PCDHA7: variants seen among roughly 807,000 people sequenced by gnomAD.
PCDHA7 encodes protocadherin alpha-7.
A neutral mutation model predicts 57.2 loss-of-function variants in PCDHA7; 37 were observed. The observed-to-expected ratio is 0.65, with a 90% CI of 0.50 to 0.85. PCDHA7 has a LOEUF of 0.85. Ranked by LOEUF, PCDHA7 falls within the 40% of genes least tolerant of loss-of-function variation. PCDHA7 has a pLI of 0.00. For missense variants in PCDHA7, 1,188 were observed against 1,241.8 expected, an observed-to-expected ratio of 0.96 and a Z score of 0.65; for synonymous variants, 553 against 558.8, an observed-to-expected ratio of 0.99 and a Z score of 0.15.
chr5:140,891,612 T>C (rs182874243), intron 1 of PCDHA7, among the ~76,000 whole-genome samples: 2 of 152,350 alleles, frequency 1.3e-5, no homozygotes, highest in Admixed American at 1.3e-4. Context: ...TTCTACCTTT[T>C]ATTTTAACAC....
rs781863441 is a variant in PCDHA7 at position 140,858,454 on chromosome 5, C to A, written c.2355+21716C>A. The A allele has an allele frequency of 2.0e-6, 3 of 1,529,822 alleles. No homozygotes were observed. The South Asian group carries it at 3.6e-5, about 18-fold the overall frequency. The allele number at this position is 1,529,822 out of a possible 1,614,324, so 94.8% of individuals were successfully genotyped here. On this transcript the variant is annotated intron_variant, in intron 1 of 3. Coordinates refer to ENST00000525929, the MANE Select transcript of PCDHA7 (RefSeq NM_018910.3). ...CTAGGAAGGTGGGTTATTACGTTTT[C>A]ATTTTCCTTTTGTGCTTTATGAATA...
At chr5:140,882,702 C>T (rs2059269414) in intron 1 of PCDHA7, 1 of 1,614,098 alleles carries the variant, frequency 6.2e-7, no homozygotes, top group African/African-American at 1.3e-5. Flanking sequence ...ATTGCAGAAT[C>T]TAGACCTCCG....
intron 1 of PCDHA7, among the ~76,000 whole-genome samples, chr5:140,839,867 G>C (rs996407179): frequency 6.6e-6 from 1 of 151,988 alleles, no homozygotes; most frequent in African/African-American, 2.4e-5. Flanking sequence ...GGTGGACTTT[G>C]AAAGATGAAT....
At chr5:140,897,543 C>A (rs1325895994) in intron 1 of PCDHA7, among the ~76,000 whole-genome samples, 2 of 152,044 alleles carry the variant, frequency 1.3e-5, no homozygotes, top group African/African-American at 4.8e-5. Flanking sequence ...GCTGCATAGT[C>A]TTCCATGGTG....
At chr5:140,891,698 T>C (rs2063212804) in intron 1 of PCDHA7, among the ~76,000 whole-genome samples, 1 of 152,258 alleles carries the variant, frequency 6.6e-6, no homozygotes, top group Non-Finnish European at 1.5e-5. Context: ...TGCTGTTGTC[T>C]GAATTTGTAC....
intron 1 of PCDHA7, chr5:140,860,707 T>G (rs914346962): frequency 6.6e-6 from 1 of 152,220 alleles, no homozygotes; most frequent in Non-Finnish European, 1.5e-5. Context: ...ATTGTTGTTC[T>G]CCATGAAAAG....
At chr5:140,997,849 T>C (rs1554256029) in intron 3 of PCDHA7, among the ~76,000 whole-genome samples, 1 of 152,208 alleles carries the variant, frequency 6.6e-6, no homozygotes, top group African/African-American at 2.4e-5. Flanking sequence ...TACATTCTTA[T>C]ACATATTTCT....
In PCDHA7 at chr5:140,858,867, T is replaced by C. The variant is rs183298446; in HGVS notation, c.2355+22129T>C. 1.7e-4 allele frequency: 42 copies of C among 253,674 alleles called. No homozygotes were observed. In the East Asian group the frequency reaches 3.9e-3, roughly 24 times the overall value. 15.7% of individuals were successfully genotyped at this position (253,674 alleles called of 1,614,324 possible). ...CTGATCTATATCTCTTCAGTGAAAATGTGTTTTCCTCCATGTGTAGAATAT... is the reference window on the plus strand; with the variant it reads ...CTGATCTATATCTCTTCAGTGAAAACGTGTTTTCCTCCATGTGTAGAATAT... On this transcript the variant is annotated intron_variant, in intron 1 of 3. Coordinates refer to ENST00000525929, the MANE Select transcript of PCDHA7 (RefSeq NM_018910.3).
At chr5:140,990,129 A>G (rs868941506) in intron 3 of PCDHA7, among the ~76,000 whole-genome samples, 6 of 152,296 alleles carry the variant, frequency 3.9e-5, no homozygotes, top group Middle Eastern at 3.4e-3. Flanking sequence ...TGTAGAAGTC[A>G]GACTCAAGAG....
chr5:140,851,076 A>C (rs782314087), intron 1 of PCDHA7: 1 of 1,337,516 alleles, frequency 7.5e-7, no homozygotes, highest in Non-Finnish European at 9.8e-7. Flanking sequence ...AGAATTATAA[A>C]CTGTATATTA....
chr5:140,854,663 C>G (rs1359601461), intron 1 of PCDHA7: 1 of 149,774 alleles, frequency 6.7e-6, no homozygotes, highest in Non-Finnish European at 1.5e-5. Context: ...TAAATTAACC[C>G]TTGCATAAGA....
chr5:140,845,039 C>T (rs1485557365), intron 1 of PCDHA7, among the ~76,000 whole-genome samples: 2 of 149,068 alleles, frequency 1.3e-5, no homozygotes, highest in Non-Finnish European at 3.0e-5. Context: ...ATTTTAGCCC[C>T]CTTGTCCAAC....
intron 1 of PCDHA7, among the ~76,000 whole-genome samples, chr5:140,837,580 TTGTAAATCGCCAA>T (rs1410482182): frequency 1.4e-4 from 22 of 151,942 alleles, no homozygotes; most frequent in Admixed American, 1.1e-3. Context: ...AATCACCAAA[TTGTAAATCGCCAA>T]TATATATATT....
chr5:140,842,004 T>C, intron 1 of PCDHA7: 11 of 1,613,808 alleles, frequency 6.8e-6, no homozygotes, highest in Non-Finnish European at 8.5e-6. Flanking sequence ...ACTGTTCAGC[T>C]GCTGGTCACA....
rs1050286921 is a variant in PCDHA7, at chr5:140,879,863, C to G, written c.2355+43125C>G. Among the ~76,000 whole-genome samples, 24 of 152,218 alleles carry G rather than the reference C, an allele frequency of 1.6e-4. 1 individual carries two copies. Among genetic ancestry groups the G allele is most frequent in the Non-Finnish European group, 5.9e-5 (4 of 68,034 alleles). Reference sequence around the variant, plus strand: ...ACCACTCCCATCTCAGCCTTCTCAGCTTTCATGGTCACATTGCCTCCTCCT... The same window carrying G: ...ACCACTCCCATCTCAGCCTTCTCAGGTTTCATGGTCACATTGCCTCCTCCT... On this transcript the variant is annotated intron_variant, in intron 1 of 3. Coordinates refer to ENST00000525929, the MANE Select transcript of PCDHA7 (RefSeq NM_018910.3).
intron 1 of PCDHA7, chr5:140,852,727 G>C: frequency 1.0e-6 from 1 of 983,528 alleles, no homozygotes; most frequent in South Asian, 4.8e-5. Flanking sequence ...CGTTTTTCAA[G>C]TTTCATGTGC....
At chr5:140,884,954 T>C (rs2060416589) in intron 1 of PCDHA7, among the ~76,000 whole-genome samples, 1 of 152,208 alleles carries the variant, frequency 6.6e-6, no homozygotes, top group Non-Finnish European at 1.5e-5. Context: ...TTACAAAAAA[T>C]TCCTCACGTT....
At chr5:140,898,150 G>A (rs373714901) in intron 1 of PCDHA7, among the ~76,000 whole-genome samples, 6 of 152,198 alleles carry the variant, frequency 3.9e-5, no homozygotes, top group African/African-American at 9.6e-5. Flanking sequence ...GCCTGTTCAC[G>A]CTGATGGTGG....
intron 1 of PCDHA7, among the ~76,000 whole-genome samples, chr5:140,838,075 A>AGTGTGTG (rs781914509): frequency 1.3e-4 from 17 of 128,240 alleles, no homozygotes; most frequent in East Asian, 1.2e-3. Flanking sequence ...TTATATATAT[A>AGTGTGTG]TAGTGTGTGT....
Sources: allele counts gnomAD v4.1 joint callset (sites outside exome capture counted in the v4.1 genomes callset), GRCh38; gene constraint gnomAD v4.1.1; transcripts MANE v1.5; gene names NCBI Gene and HGNC (gene_info 2026-07-23, HGNC 2026-07-21).